Variants in ERBB4 observed in about 807,000 individuals in gnomAD.
The protein encoded by ERBB4 is receptor tyrosine-protein kinase erbB-4.
ERBB4 carries 42 observed loss-of-function variants against 158.0 expected under a neutral mutation model. The ratio of observed to expected loss-of-function variants is 0.27; its 90% CI spans 0.21 to 0.34. The LOEUF is 0.34. ERBB4 is among the 10% of genes least tolerant of loss of function. ERBB4 has a pLI of 1.00. For synonymous variants in ERBB4, 583 were observed against 558.7 expected (o/e 1.04, Z -0.61); for missense variants, 1,333 against 1,624.1 (o/e 0.82, Z 3.08).
At chr2:211,597,098 A>G (rs890525790) in intron 19 of ERBB4, among the ~76,000 whole-genome samples, 59 of 152,280 alleles carry the variant, frequency 3.9e-4, no homozygotes, top group African/African-American at 1.3e-3. Context: ...GAGTATTTTT[A>G]TTCACTTGTT....
chr2:212,073,843 T>C (rs1335875721), intron 2 of ERBB4, among the ~76,000 whole-genome samples: 1 of 152,062 alleles, frequency 6.6e-6, no homozygotes, highest in Non-Finnish European at 1.5e-5. Flanking sequence ...TTTATCAATG[T>C]CTAGAAATAT....
intron 1 of ERBB4, among the ~76,000 whole-genome samples, chr2:212,310,904 T>A (rs1369038830): frequency 6.6e-6 from 1 of 150,558 alleles, no homozygotes; most frequent in African/African-American, 2.4e-5. Context: ...ATTTAATATA[T>A]CCACATAAAA....
chr2:211,950,344 C>A (rs2080840397), intron 2 of ERBB4, among the ~76,000 whole-genome samples: 1 of 152,082 alleles, frequency 6.6e-6, no homozygotes, highest in Non-Finnish European at 1.5e-5. Context: ...AGACCTCTCA[C>A]AATACAGGAT....
intron 1 of ERBB4, among the ~76,000 whole-genome samples, chr2:212,244,777 A>C (rs989952095): frequency 1.3e-5 from 2 of 152,120 alleles, no homozygotes; most frequent in African/African-American, 4.8e-5. Context: ...TTGCCAGAGA[A>C]TCCCAATGAT....
rs181649686 is a variant in ERBB4, at chr2:211,938,266, T to G, written c.421+9164A>C. Among the ~76,000 whole-genome samples, 77 of 152,304 alleles carry G rather than the reference T, an allele frequency of 5.1e-4. 2 individuals are homozygous for G. In the East Asian group the frequency reaches 0.014, roughly 27 times the overall value. Reference sequence around the variant, plus strand: ...ATCTTACAACTGAGCATCCTTGTTATGTTCATTTGAAGATAAGGAAACTGA... The same window carrying G: ...ATCTTACAACTGAGCATCCTTGTTAGGTTCATTTGAAGATAAGGAAACTGA... On this transcript the variant is annotated intron_variant, in intron 3 of 27. Coordinates refer to ENST00000342788, the MANE Select transcript of ERBB4 (RefSeq NM_005235.3).
intron 9 of ERBB4, among the ~76,000 whole-genome samples, chr2:211,708,635 TCTCTC>T (rs2073547673): frequency 1.3e-4 from 20 of 151,448 alleles, no homozygotes; most frequent in Admixed American, 2.0e-4. Context: ...TCTCTCTCTC[TCTCTC>T]TCTCACTATC....
chr2:212,205,192 G>C (rs1184508400), intron 1 of ERBB4, among the ~76,000 whole-genome samples: 2 of 151,674 alleles, frequency 1.3e-5, no homozygotes, highest in Non-Finnish European at 2.9e-5. Context: ...ACAGAGTCCT[G>C]CTTTGCCACT....
At chr2:211,417,413 G>A (rs758647713) in intron 25 of ERBB4, among the ~76,000 whole-genome samples, 26 of 152,202 alleles carry the variant, frequency 1.7e-4, no homozygotes, top group Admixed American at 1.3e-3. Flanking sequence ...TGTGGAGGTT[G>A]CACTGAGCCA....
intron 3 of ERBB4, among the ~76,000 whole-genome samples, chr2:211,833,452 A>G: frequency 6.6e-6 from 1 of 151,990 alleles, no homozygotes; most frequent in South Asian, 2.1e-4. Context: ...TGTAAATATA[A>G]GGCATAATTA....
intron 16 of ERBB4, among the ~76,000 whole-genome samples, chr2:211,656,986 T>C (rs2071240540): frequency 6.6e-6 from 1 of 152,216 alleles, no homozygotes; most frequent in East Asian, 1.9e-4. Context: ...GTTATACTTT[T>C]ACCTGCACAA....
intron 1 of ERBB4, among the ~76,000 whole-genome samples, chr2:212,322,522 C>T (rs551536380): frequency 7.3e-5 from 11 of 150,596 alleles, no homozygotes; most frequent in African/African-American, 1.7e-4. Context: ...TATTTGAATG[C>T]GTATACATTT....
chr2:211,874,541 A>G (rs2106125416), intron 3 of ERBB4, among the ~76,000 whole-genome samples: 1 of 152,314 alleles, frequency 6.6e-6, no homozygotes. Context: ...GGTAAAATTT[A>G]GGATCTGACC....
chr2:211,627,164 C>A (rs979109801), intron 17 of ERBB4, among the ~76,000 whole-genome samples: 1 of 152,158 alleles, frequency 6.6e-6, no homozygotes, highest in Non-Finnish European at 1.5e-5. Context: ...TCCTTTCCAA[C>A]TGTAGTTTAC....
At chr2:212,162,101 G>A (rs1194387845) in intron 1 of ERBB4, among the ~76,000 whole-genome samples, 1 of 151,712 alleles carries the variant, frequency 6.6e-6, no homozygotes, top group Non-Finnish European at 1.5e-5. Context: ...ATTTACTCAA[G>A]AAAGTGAAAC....
intron 1 of ERBB4, among the ~76,000 whole-genome samples, chr2:212,166,332 T>C (rs181361398): frequency 2.0e-5 from 3 of 152,064 alleles, no homozygotes; most frequent in Admixed American, 6.6e-5. Context: ...ACTAATATGG[T>C]TGGAAATTCA....
intron 1 of ERBB4, among the ~76,000 whole-genome samples, chr2:212,234,602 C>T (rs900645809): frequency 3.9e-5 from 6 of 152,186 alleles, no homozygotes; most frequent in Admixed American, 2.6e-4. Context: ...CCACCAACAG[C>T]GTAAAAGCGT....
chr2:212,141,137 C>T (rs1291834260), intron 1 of ERBB4, among the ~76,000 whole-genome samples: 1 of 151,656 alleles, frequency 6.6e-6, no homozygotes, highest in African/African-American at 2.4e-5. Context: ...GTAAAAATGC[C>T]ATAAACAAGA....
At chr2:211,608,324 G>T (rs969006938) in intron 19 of ERBB4, among the ~76,000 whole-genome samples, 1 of 152,102 alleles carries the variant, frequency 6.6e-6, no homozygotes, top group Admixed American at 6.6e-5. Context: ...ATTGTTACAT[G>T]TGGCCCACCT....
At chr2:211,702,617 T>C (rs915321089) in intron 11 of ERBB4, among the ~76,000 whole-genome samples, 1 of 152,160 alleles carries the variant, frequency 6.6e-6, no homozygotes, top group African/African-American at 2.4e-5. Flanking sequence ...AAAATGATTA[T>C]AGGTATTTAG....
Sources: allele counts gnomAD v4.1 joint callset (sites outside exome capture counted in the v4.1 genomes callset), GRCh38; gene constraint gnomAD v4.1.1; transcripts MANE v1.5; gene names NCBI Gene and HGNC (gene_info 2026-07-23, HGNC 2026-07-21).